TRIO: variants seen among roughly 807,000 people sequenced by gnomAD.
The protein encoded by TRIO is trio Rho guanine nucleotide exchange factor, also known as triple functional domain protein.
Under a neutral mutation model 351.9 loss-of-function variants are expected in TRIO, and 58 were observed. The ratio of observed to expected loss-of-function variants is 0.16; its 90% CI spans 0.13 to 0.21. The LOEUF (loss-of-function observed/expected upper bound fraction) is 0.21. Ranked by LOEUF, TRIO falls within the 10% of genes least tolerant of loss-of-function variation. The probability of loss-of-function intolerance (pLI) is 1.00; values close to 1 mark genes in which losing one functional copy is unlikely to be tolerated. For synonymous variants in TRIO, 1,758 were observed against 1,595.7 expected, an observed-to-expected ratio of 1.10 and a Z score of -2.42; for missense variants, 3,201 against 4,027.8, an observed-to-expected ratio of 0.79 and a Z score of 5.56.
intron 24 of TRIO, 118 bp downstream of exon 24, chr5:14,388,797 T>C (rs1272900112): frequency 8.1e-7 from 1 of 1,228,576 alleles, no homozygotes; most frequent in Non-Finnish European, 1.1e-6. Flanking sequence ...CTGTCATTTT[T>C]TTAAATGTAA....
rs115607794 is a variant in TRIO at position 14,498,515 on chromosome 5, G to A, written c.8211-4G>A. 39,546 of 1,613,684 alleles carry A rather than the reference G, an allele frequency of 0.025. 603 individuals carry two copies. Among genetic ancestry groups the A allele is most frequent in the Non-Finnish European group, 0.028 (32,647 of 1,179,638 alleles). On this transcript the variant is annotated splice_region_variant and splice_polypyrimidine_tract_variant and intron_variant, in intron 52 of 56. Transcript: ENST00000344204. ...TGCGCAGTGTGTTCCCATCTGTGCCGCAGTGACCTGGGAGAGGCCACGCTG... is the reference window on the plus strand; with the variant it reads ...TGCGCAGTGTGTTCCCATCTGTGCCACAGTGACCTGGGAGAGGCCACGCTG...
intron 1 of TRIO, among the ~76,000 whole-genome samples, chr5:14,192,226 A>C (rs565777529): frequency 4.7e-4 from 72 of 152,052 alleles, no homozygotes; most frequent in Non-Finnish European, 7.5e-4. Flanking sequence ...TTTATTTTAC[A>C]AACTCTTACT....
chr5:14,421,855 G>A (rs747284988), intron 34 of TRIO, among the ~76,000 whole-genome samples: 5 of 152,134 alleles, frequency 3.3e-5, no homozygotes, highest in African/African-American at 9.7e-5. Context: ...GGATTTAGAC[G>A]TGGAGTCCAA....
intron 1 of TRIO, among the ~76,000 whole-genome samples, chr5:14,159,060 C>T (rs946554346): frequency 5.3e-5 from 8 of 152,126 alleles, no homozygotes; most frequent in Non-Finnish European, 7.3e-5. Context: ...GGTTACCACG[C>T]GCACAGTGGG....
At chr5:14,399,598 C>T (rs980852235) in intron 30 of TRIO, among the ~76,000 whole-genome samples, 1 of 152,126 alleles carries the variant, frequency 6.6e-6, no homozygotes, top group African/African-American at 2.4e-5. Context: ...GATCCACAGC[C>T]CCAGCTATGT....
chr5:14,334,278 C>T (rs1181960088), intron 10 of TRIO, among the ~76,000 whole-genome samples: 1 of 152,126 alleles, frequency 6.6e-6, no homozygotes, highest in Non-Finnish European at 1.5e-5. Flanking sequence ...AGGTCTCGTT[C>T]CCGGGAAAAC....
intron 1 of TRIO, among the ~76,000 whole-genome samples, chr5:14,177,139 T>A (rs1789454972): frequency 6.6e-6 from 1 of 152,208 alleles, no homozygotes; most frequent in Non-Finnish European, 1.5e-5. Flanking sequence ...AGCATACAGT[T>A]ATGCCCCAGG....
chr5:14,476,799 AAAAAG>A lies in TRIO; in HGVS notation c.6084-90_6084-86del. 14 of 1,143,098 alleles carry A rather than the reference AAAAAG, an allele frequency of 1.2e-5. No individual in the cohort carries two copies. In the African/African-American group the frequency reaches 1.4e-4, roughly 12 times the overall value. The allele number at this position is 1,143,098 out of a possible 1,614,324, so 70.8% of individuals were successfully genotyped here. ...ATAGAGTGACACTCTCTCAAAAAAA[AAAAAG>A]AAAAAAAGAAAAAGAAAAAATGTAA... is the stretch of plus-strand genomic sequence containing the variant. On this transcript the variant is annotated intron_variant, in intron 40 of 56. Coordinates refer to ENST00000344204, the MANE Select transcript of TRIO (RefSeq NM_007118.4).
chr5:14,262,890 G>A (rs1025421829), intron 1 of TRIO, among the ~76,000 whole-genome samples: 3 of 152,092 alleles, frequency 2.0e-5, no homozygotes, highest in African/African-American at 4.8e-5. Context: ...CTTCTTCATG[G>A]CACTTCTTTG....
intron 1 of TRIO, among the ~76,000 whole-genome samples, chr5:14,208,283 T>C (rs1185042326): frequency 2.0e-5 from 3 of 152,302 alleles, no homozygotes; most frequent in Non-Finnish European, 4.4e-5. Flanking sequence ...ATAAACAGGA[T>C]GTGGTATATC....
chr5:14,224,459 C>A (rs1792849041), intron 1 of TRIO, among the ~76,000 whole-genome samples: 1 of 151,854 alleles, frequency 6.6e-6, no homozygotes, highest in Admixed American at 6.6e-5. Flanking sequence ...AAAGAATATA[C>A]TAAAAGATTC....
At chr5:14,184,245 T>G (rs149045591) in intron 1 of TRIO, among the ~76,000 whole-genome samples, 1 of 152,208 alleles carries the variant, frequency 6.6e-6, no homozygotes, top group Non-Finnish European at 1.5e-5. Context: ...AGCAGTTCTG[T>G]TTTGAGAGCC....
intron 1 of TRIO, among the ~76,000 whole-genome samples, chr5:14,195,723 A>G (rs1477371404): frequency 6.6e-6 from 1 of 152,210 alleles, no homozygotes; most frequent in African/African-American, 2.4e-5. Context: ...ATTGTTCAGA[A>G]CAGGCTCATG....
chr5:14,472,375 C>T (rs1754754252), intron 38 of TRIO, among the ~76,000 whole-genome samples: 1 of 152,190 alleles, frequency 6.6e-6, no homozygotes, highest in Non-Finnish European at 1.5e-5. Flanking sequence ...TGCCCTCATG[C>T]ACTGTGCCTA....
intron 1 of TRIO, among the ~76,000 whole-genome samples, chr5:14,236,385 A>G (rs1053806095): frequency 1.3e-5 from 2 of 152,216 alleles, no homozygotes; most frequent in African/African-American, 4.8e-5. Context: ...ACTGAAGGTA[A>G]TGAATACTTA....
At chr5:14,293,401 G>T (rs935593346) in intron 6 of TRIO, among the ~76,000 whole-genome samples, 1 of 152,220 alleles carries the variant, frequency 6.6e-6, no homozygotes, top group African/African-American at 2.4e-5. Context: ...AGACACTTGG[G>T]ATGCTGGCTC....
At chr5:14,338,016 T>C (rs1368929041) in intron 11 of TRIO, among the ~76,000 whole-genome samples, 1 of 152,196 alleles carries the variant, frequency 6.6e-6, no homozygotes, top group Non-Finnish European at 1.5e-5. Context: ...TGAAAATTCT[T>C]AACAAAAGAG....
At chr5:14,320,353 G>T (rs73059540) in intron 9 of TRIO, among the ~76,000 whole-genome samples, 1 of 151,968 alleles carries the variant, frequency 6.6e-6, no homozygotes, top group African/African-American at 2.4e-5. Flanking sequence ...TCAACTGTTC[G>T]GCTGGCGTGG....
At chr5:14,267,406 G>T (rs1795747258) in intron 1 of TRIO, among the ~76,000 whole-genome samples, 2 of 151,742 alleles carry the variant, frequency 1.3e-5, no homozygotes, top group South Asian at 2.1e-4. Flanking sequence ...AGAAGTATGT[G>T]CTTCCAGGGG....
Sources: allele counts gnomAD v4.1 joint callset (sites outside exome capture counted in the v4.1 genomes callset), GRCh38; gene constraint gnomAD v4.1.1; transcripts MANE v1.5; gene names NCBI Gene and HGNC (gene_info 2026-07-23, HGNC 2026-07-21).